The following KLHL1 variants were observed in gnomAD, a reference collection of about 807,000 sequenced individuals.
The protein encoded by KLHL1 is kelch-like protein 1.
KLHL1 carries 47 observed loss-of-function variants against 77.7 expected under a neutral mutation model. The observed-to-expected ratio is 0.60, with a 90% CI of 0.48 to 0.77. The LOEUF (loss-of-function observed/expected upper bound fraction) is 0.77, where lower values mean the gene tolerates loss of function less well. Among genes scored for constraint, KLHL1 ranks in the 30% least tolerant of loss-of-function variants. The pLI, the probability that KLHL1 is intolerant of heterozygous loss-of-function variation, is 0.00. For missense variants in KLHL1, 925 were observed against 910.8 expected (o/e 1.02, Z -0.20); for synonymous variants, 360 against 325.2 (o/e 1.11, Z -1.15).
chr13:69,955,553 A>G (rs1012593512), intron 3 of KLHL1, among the ~76,000 whole-genome samples: 1 of 151,154 alleles, frequency 6.6e-6, no homozygotes, highest in Non-Finnish European at 1.5e-5. Context: ...CTGCAATTCC[A>G]TCTCCCATAT....
At chr13:69,943,497 A>G (rs1883427509) in intron 3 of KLHL1, among the ~76,000 whole-genome samples, 1 of 151,974 alleles carries the variant, frequency 6.6e-6, no homozygotes, top group South Asian at 2.1e-4. Context: ...TGTTTATTAT[A>G]TATTAAAATA....
At chr13:69,771,695 G>A (rs2137983526) in intron 7 of KLHL1, among the ~76,000 whole-genome samples, 1 of 152,214 alleles carries the variant, frequency 6.6e-6, no homozygotes, top group Admixed American at 6.5e-5. Context: ...ATATGTGGGT[G>A]CATAGTTTTT....
At chr13:70,008,331 G>A (rs776633169) in intron 1 of KLHL1, among the ~76,000 whole-genome samples, 3 of 151,962 alleles carry the variant, frequency 2.0e-5, no homozygotes, top group Non-Finnish European at 4.4e-5. Context: ...TTGAGAACAT[G>A]CACTTGTGCC....
intron 1 of KLHL1, among the ~76,000 whole-genome samples, chr13:70,035,406 A>G (rs1291858988): frequency 6.6e-6 from 1 of 152,160 alleles, no homozygotes; most frequent in Non-Finnish European, 1.5e-5. Flanking sequence ...ATGAGGATAG[A>G]GAGTAGAACA....
chr13:69,806,874 A>C (rs1353384026), intron 6 of KLHL1, among the ~76,000 whole-genome samples: 1 of 152,188 alleles, frequency 6.6e-6, no homozygotes, highest in Non-Finnish European at 1.5e-5. Flanking sequence ...ACAGGGGAGA[A>C]TAAGCACACC....
intron 3 of KLHL1, among the ~76,000 whole-genome samples, chr13:69,958,570 A>C (rs1046196278): frequency 6.6e-6 from 1 of 151,778 alleles, no homozygotes; most frequent in African/African-American, 2.4e-5. Flanking sequence ...GGTTCCTTCA[A>C]ATCTTACACA....
chr13:69,933,146 T>G (rs943257141), intron 4 of KLHL1, among the ~76,000 whole-genome samples: 3 of 152,056 alleles, frequency 2.0e-5, no homozygotes, highest in Non-Finnish European at 4.4e-5. Context: ...TACAAAGACA[T>G]GCTGAAAGTC....
chr13:69,935,475 G>C (rs1167947676), intron 4 of KLHL1, among the ~76,000 whole-genome samples: 2 of 151,966 alleles, frequency 1.3e-5, no homozygotes, highest in Non-Finnish European at 2.9e-5. Flanking sequence ...ACTAAACAAG[G>C]ACTCTAAAAA....
intron 9 of KLHL1, among the ~76,000 whole-genome samples, chr13:69,709,977 C>T (rs913480858): frequency 1.3e-5 from 2 of 151,596 alleles, no homozygotes; most frequent in African/African-American, 2.4e-5. Context: ...TCATATTATC[C>T]TCATTTAATT....
intron 5 of KLHL1, among the ~76,000 whole-genome samples, chr13:69,853,510 T>C (rs1879774649): frequency 6.6e-6 from 1 of 152,002 alleles, no homozygotes; most frequent in African/African-American, 2.4e-5. Context: ...AGCATGAGAA[T>C]GAAGTAATAC....
intron 3 of KLHL1, among the ~76,000 whole-genome samples, chr13:69,943,326 AG>A (rs1883420816): frequency 6.6e-6 from 1 of 152,092 alleles, no homozygotes; most frequent in African/African-American, 2.4e-5. Context: ...TAGATAAAAA[AG>A]ACTATTATAT....
At chr13:69,853,975 T>C (rs1239339098) in intron 5 of KLHL1, among the ~76,000 whole-genome samples, 4 of 152,006 alleles carry the variant, frequency 2.6e-5, no homozygotes, top group Non-Finnish European at 5.9e-5. Context: ...CATAGATTTA[T>C]AAAACCTATT....
intron 7 of KLHL1, among the ~76,000 whole-genome samples, chr13:69,770,125 T>G (rs1485042177): frequency 6.6e-6 from 1 of 152,160 alleles, no homozygotes; most frequent in Non-Finnish European, 1.5e-5. Context: ...AACACCCCCT[T>G]GGGACTCCAT....
chr13:69,771,135 C>A (rs142593487), intron 7 of KLHL1, among the ~76,000 whole-genome samples: 2 of 152,080 alleles, frequency 1.3e-5, no homozygotes, highest in Non-Finnish European at 2.9e-5. Flanking sequence ...GTCTTCAAAT[C>A]AAGACTTTTC....
intron 2 of KLHL1, among the ~76,000 whole-genome samples, chr13:69,972,360 C>A (rs1167013306): frequency 6.6e-6 from 1 of 151,834 alleles, no homozygotes; most frequent in Non-Finnish European, 1.5e-5. Context: ...TATGTACAAA[C>A]AGTGAAAACA....
chr13:69,817,583 G>A (rs1243130260), intron 6 of KLHL1, among the ~76,000 whole-genome samples: 2 of 152,132 alleles, frequency 1.3e-5, no homozygotes, highest in African/African-American at 4.8e-5. Flanking sequence ...CTGTATCATA[G>A]AAGTAATTTA....
In KLHL1 at chr13:69,841,245, G is replaced by A. The variant is rs1250414245; in HGVS notation, c.1228-2083C>T. 2.0e-5 allele frequency among the ~76,000 whole-genome samples: 3 copies of A among 151,760 alleles called. No homozygotes were observed. The East Asian group carries it at 5.8e-4, about 30-fold the overall frequency. On this transcript the variant is annotated intron_variant, in intron 5 of 10. Coordinates refer to ENST00000377844, the MANE Select transcript of KLHL1 (RefSeq NM_020866.3). Reference sequence around the variant, plus strand: ...ATCAGGAAAGAGAAAGAAATAAAAGGCCTCCAAATTGGTAAAGAAGAAGTC... The same window carrying A: ...ATCAGGAAAGAGAAAGAAATAAAAGACCTCCAAATTGGTAAAGAAGAAGTC...
At chr13:70,106,929 T>G (rs760556294) in intron 1 of KLHL1, among the ~76,000 whole-genome samples, 6 of 152,216 alleles carry the variant, frequency 3.9e-5, no homozygotes, top group South Asian at 4.1e-4. Context: ...ATATGAGAAC[T>G]ATTCCACTTG....
chr13:69,969,838 C>G (rs1304064882), intron 2 of KLHL1, among the ~76,000 whole-genome samples: 2 of 152,058 alleles, frequency 1.3e-5, no homozygotes, highest in Non-Finnish European at 2.9e-5. Context: ...TGCTAGAGAA[C>G]CTGGAGTAAA....
Sources: gnomAD v4.1 joint callset for allele counts (sites outside exome capture counted in the v4.1 genomes callset) on GRCh38, gnomAD v4.1.1 for gene constraint, MANE v1.5 for transcripts, NCBI Gene and HGNC (gene_info 2026-07-23, HGNC 2026-07-21) for gene names.